The following PDCD11 variants were observed in gnomAD, a reference collection of about 807,000 sequenced individuals.
PDCD11 encodes the protein protein RRP5 homolog.
Under a neutral mutation model 198.9 loss-of-function variants are expected in PDCD11, and 97 were observed. The observed-to-expected ratio is 0.49, with a 90% CI of 0.41 to 0.58. PDCD11 has a LOEUF of 0.58. PDCD11 is among the 20% of genes least tolerant of loss of function. PDCD11 has a pLI of 0.00. For synonymous variants in PDCD11, 893 were observed against 918.0 expected (o/e 0.97, Z 0.49); for missense variants, 2,102 against 2,312.7 (o/e 0.91, Z 1.87).
In PDCD11 at chr10:103,416,542, A is replaced by T. The variant is rs757822407; in HGVS notation, c.1570A>T (p.Thr524Ser). The T allele has an allele frequency of 1.2e-6, 2 of 1,614,042 alleles. No individual in the cohort carries two copies. Among genetic ancestry groups the T allele is most frequent in the African/African-American group, 1.3e-5 (1 of 74,914 alleles). ...AKKLMMTLKK[T>S]LIESKLPVIT... ...GAAGCTGATGATGACCCTGAAAAAA[A>T]CCCTGATTGAGTCCAAACTACCTGT... Residue 524 changes from threonine (T) to serine (S), a missense_variant, in exon 13 of 36, where the codon ACC (threonine) becomes TCC (serine). Physicochemically the swap from Thr to Ser is moderately conservative, Grantham distance 58 (BLOSUM62 1). Coordinates refer to ENST00000369797, the MANE Select transcript of PDCD11 (RefSeq NM_014976.2).
At chr10:103,443,399 TG>T in intron 33 of PDCD11, 66 bp downstream of exon 33, 2 of 1,435,612 alleles carry the variant, frequency 1.4e-6, no homozygotes, top group Non-Finnish European at 1.9e-6. Context: ...GAAGAGCCCC[TG>T]GGGTGCTGGG....
At position 103,409,696 on chromosome 10, in the gene PDCD11, T is replaced by C. The variant is rs1258178343; in HGVS notation, c.871-3T>C. ...TTTTATAACTTGTTCTGTTTATTTCTAGGTGACTCCATTTGGCCTTACGCT... is the reference window on the plus strand; with the variant it reads ...TTTTATAACTTGTTCTGTTTATTTCCAGGTGACTCCATTTGGCCTTACGCT... On this transcript the variant is annotated splice_region_variant and splice_polypyrimidine_tract_variant and intron_variant, in intron 7 of 35. Coordinates refer to ENST00000369797, the MANE Select transcript of PDCD11 (RefSeq NM_014976.2). 6.2e-7 allele frequency: 1 copy of C among 1,610,068 alleles called. No homozygotes were observed. The highest frequency in any genetic ancestry group is 2.2e-5 in the East Asian group (1 of 44,856).
intron 21 of PDCD11, 147 bp downstream of exon 21, chr10:103,427,538 A>G: frequency 1.5e-6 from 1 of 649,202 alleles, no homozygotes; most frequent in Non-Finnish European, 2.7e-6. Context: ...TAGTGGGGAT[A>G]TTTGGTTCTC....
chr10:103,403,082 A>G (rs754398152), intron 3 of PDCD11, 36 bp from the exon 4 acceptor site: 3 of 1,599,886 alleles, frequency 1.9e-6, no homozygotes, highest in East Asian at 2.2e-5. Flanking sequence ...TGTTGTTCCC[A>G]TCCTTATTGT....
chr10:103,434,230 G>GT lies in PDCD11; in HGVS notation c.3565-11dup, dbSNP rs768231265. On this transcript the variant is annotated splice_polypyrimidine_tract_variant and intron_variant, in intron 23 of 35. Coordinates refer to ENST00000369797, the MANE Select transcript of PDCD11 (RefSeq NM_014976.2). ...CAGCCTTTCTTCAAGCATCACAGGA[G>GT]TTTTTTTATCCTTCCAGGTTCTGAA... is the stretch of plus-strand genomic sequence containing the variant. The GT allele has an allele frequency of 8.9e-6, 14 of 1,566,560 alleles. No individual in the cohort carries two copies. Among genetic ancestry groups the GT allele is most frequent in the East Asian group, 2.2e-5 (1 of 44,624 alleles).
chr10:103,437,708 T>A (rs1266025188), intron 25 of PDCD11, among the ~76,000 whole-genome samples: 1 of 152,052 alleles, frequency 6.6e-6, no homozygotes, highest in Non-Finnish European at 1.5e-5. Flanking sequence ...CAGGATGGTC[T>A]CAATCTCCTG....
At chr10:103,438,175 G>C in intron 26 of PDCD11, 104 bp downstream of exon 26, 1 of 862,560 alleles carries the variant, frequency 1.2e-6, no homozygotes, top group Admixed American at 1.8e-5. Context: ...CACCTTCTCT[G>C]CTCATCACTT....
rs2133695241 is a variant in PDCD11, at chr10:103,413,188, C to T, written c.1051C>T (p.Gln351Ter). The change falls in exon 9 of 36, where the codon CAG becomes TAG. Residue 351 changes from glutamine (Q) to a stop codon, truncating the protein, a stop_gained. Coordinates refer to ENST00000369797, the MANE Select transcript of PDCD11 (RefSeq NM_014976.2). LOFTEE classifies it high-confidence loss of function. ...VHLSLRPIFL[Q>*]PGRPLTRLSC... ...CCTGAGCCTGCGCCCCATCTTCCTA[C>T]AGCCTGGACGCCCACTCACCCGACT... The T allele has an allele frequency of 6.2e-7, 1 of 1,614,164 alleles. No homozygotes were observed. Among genetic ancestry groups the T allele is most frequent in the Non-Finnish European group, 8.5e-7 (1 of 1,180,008 alleles).
chr10:103,423,792 G>A (rs1184595014), intron 19 of PDCD11, 134 bp downstream of exon 19: 1 of 648,532 alleles, frequency 1.5e-6, no homozygotes. Context: ...GGACACCCCC[G>A]GTTTAGACCT....
At chr10:103,423,191 G>A in intron 18 of PDCD11, 54 bp downstream of exon 18, 1 of 1,464,604 alleles carries the variant, frequency 6.8e-7, no homozygotes, top group Non-Finnish European at 9.1e-7. Context: ...TTTGTCCATT[G>A]CTCCCTCTCC....
In PDCD11 at chr10:103,413,733, A is replaced by G. The variant is rs117532580; in HGVS notation, c.1186-233A>G. The stretch of plus-strand genomic sequence containing the variant: ...TATTCCAATACAACTTCTATTTACA[A>G]AAACAGGCACTAGGCACAGTTGACT... On this transcript the variant is annotated intron_variant, in intron 9 of 35. Coordinates refer to ENST00000369797, the MANE Select transcript of PDCD11 (RefSeq NM_014976.2). Among the ~76,000 whole-genome samples the G allele has an allele frequency of 0.016, 2,362 of 152,370 alleles. 32 individuals are homozygous for G. The highest frequency in any genetic ancestry group is 0.041 in the Middle Eastern group (12 of 294).
chr10:103,420,064 C>G (rs558855615), intron 16 of PDCD11, among the ~76,000 whole-genome samples: 3 of 149,170 alleles, frequency 2.0e-5, no homozygotes, highest in African/African-American at 7.5e-5. Context: ...TCCCAAAGTG[C>G]TGCGATTACA....
At chr10:103,400,226 CTTT>C (rs113535367) in intron 2 of PDCD11, among the ~76,000 whole-genome samples, 168 bp from the exon 3 acceptor site, 13 of 135,392 alleles carry the variant, frequency 9.6e-5, no homozygotes, top group Non-Finnish European at 1.7e-4. Flanking sequence ...GGCCCCCCCC[CTTT>C]TTTTTTTTTT....
At position 103,443,199 on chromosome 10, in the gene PDCD11, C is replaced by T. The variant is rs1281296715; in HGVS notation, c.4990C>T (p.Leu1664=). 1 of 1,604,410 alleles carries T rather than the reference C, an allele frequency of 6.2e-7. No individual in the cohort carries two copies. Among genetic ancestry groups the T allele is most frequent in the Non-Finnish European group, 8.5e-7 (1 of 1,173,030 alleles). The change falls in exon 33 of 36, where the codon CTG becomes TTG. Residue 1664 remains leucine, a synonymous_variant. Coordinates refer to ENST00000369797, the MANE Select transcript of PDCD11 (RefSeq NM_014976.2). ...GGAGAAGCTGAACGTGTGGGTGGCT[C>T]TGCTGAACCTGGAGAACATGTACGG... is the stretch of plus-strand genomic sequence containing the variant. ...EQEKLNVWVA[L]LNLENMYGSQ... is the part of the protein sequence containing the mutation.
At chr10:103,426,912 T>G (rs185030196) in intron 20 of PDCD11, among the ~76,000 whole-genome samples, 2 of 148,706 alleles carry the variant, frequency 1.3e-5, no homozygotes, top group Admixed American at 1.4e-4. Flanking sequence ...GGCAACATGG[T>G]GAGACCCCAT....
chr10:103,433,933 CT>C lies in PDCD11; in HGVS notation c.3475-8del, dbSNP rs745663865. On this transcript the variant is annotated splice_polypyrimidine_tract_variant and intron_variant, in intron 22 of 35. Coordinates refer to ENST00000369797, the MANE Select transcript of PDCD11 (RefSeq NM_014976.2). ...ATTTGTATTTGCCCTACTCTGGTTCCTTTTTTTCCCTCAGTACAATGTGGTG... is the reference window on the plus strand; with the variant it reads ...ATTTGTATTTGCCCTACTCTGGTTCCTTTTTTCCCTCAGTACAATGTGGTG... 1.4e-5 allele frequency: 22 copies of C among 1,603,134 alleles called. No individual in the cohort carries two copies. The highest frequency in any genetic ancestry group is 3.3e-5 in the Admixed American group (2 of 59,926).
At chr10:103,405,273 C>T (rs2030378098) in intron 5 of PDCD11, 90 bp downstream of exon 5, 2 of 1,307,288 alleles carry the variant, frequency 1.5e-6, no homozygotes, top group East Asian at 2.3e-5. Flanking sequence ...TTACTTTCAG[C>T]TCAATTGTGA....
Position 103,416,545 on chromosome 10 carries a change from C to G in PDCD11, c.1573C>G (p.Leu525Val), listed in dbSNP as rs1180101565. 6 of 1,614,052 alleles carry G rather than the reference C, an allele frequency of 3.7e-6. No homozygotes were observed. In the African/African-American group the frequency reaches 4.0e-5, roughly 11 times the overall value. ...KKLMMTLKKT[L>V]IESKLPVITC... Reference sequence around the variant, plus strand: ...GCTGATGATGACCCTGAAAAAAACCCTGATTGAGTCCAAACTACCTGTCAT... The same window carrying G: ...GCTGATGATGACCCTGAAAAAAACCGTGATTGAGTCCAAACTACCTGTCAT... Residue 525 changes from leucine to valine, a missense_variant, in exon 13 of 36, where the codon CTG (leucine) becomes GTG (valine). Physicochemically the swap from Leu to Val is conservative, Grantham distance 32. Transcript: ENST00000369797.
At position 103,439,836 on chromosome 10, in the gene PDCD11, TGAAGG is replaced by T. The variant is rs2133749453; in HGVS notation, c.4121_4125del (p.Gly1374AlafsTer10). 6.2e-7 allele frequency: 1 copy of T among 1,614,174 alleles called. No individual in the cohort carries two copies. The highest frequency in any genetic ancestry group is 8.5e-7 in the Non-Finnish European group (1 of 1,180,018). ...AAGCCCTTTATAACAAACACCTCCC[TGAAGG>T]GAAGCTGCTCACAGCCAGGGTCCTA... On this transcript the variant is annotated frameshift_variant, in exon 28 of 36. Coordinates refer to ENST00000369797, the MANE Select transcript of PDCD11 (RefSeq NM_014976.2). LOFTEE classifies it high-confidence loss of function.
Sources: allele counts gnomAD v4.1 joint callset (sites outside exome capture counted in the v4.1 genomes callset), GRCh38; gene constraint gnomAD v4.1.1; transcripts MANE v1.5; gene names NCBI Gene and HGNC (gene_info 2026-07-23, HGNC 2026-07-21).